The following TFCP2 variants were observed in gnomAD, a reference collection of about 807,000 sequenced individuals.
TFCP2 encodes transcription factor CP2.
A neutral mutation model predicts 73.4 loss-of-function variants in TFCP2; 33 were observed. The ratio of observed to expected loss-of-function variants is 0.45; its 90% CI spans 0.34 to 0.60. The LOEUF (loss-of-function observed/expected upper bound fraction) is 0.60. Among genes scored for constraint, TFCP2 ranks in the 20% least tolerant of loss-of-function variants. The pLI, the probability that TFCP2 is intolerant of heterozygous loss-of-function variation, is 0.01. For missense variants in TFCP2, 352 were observed against 604.0 expected, an observed-to-expected ratio of 0.58 and a Z score of 4.37; for synonymous variants, 193 against 211.6, an observed-to-expected ratio of 0.91 and a Z score of 0.76.
At chr12:51,161,500 GAAACCCCATGTCTACTAAAAATACAA>G (rs1412026896) in intron 1 of TFCP2, among the ~76,000 whole-genome samples, 1 of 151,840 alleles carries the variant, frequency 6.6e-6, no homozygotes, top group Non-Finnish European at 1.5e-5. Flanking sequence ...CTAACACGGT[GAAACCCCATGTCTACTAAAAATACAA>G]AAAATTAGCC....
At chr12:51,161,690 ATAAT>A (rs1565579966) in intron 1 of TFCP2, among the ~76,000 whole-genome samples, 2 of 146,468 alleles carry the variant, frequency 1.4e-5, no homozygotes, top group African/African-American at 5.1e-5. Context: ...AAAAAAAATA[ATAAT>A]AATAATAATA....
chr12:51,097,032 C>T (rs575399873), intron 13 of TFCP2, among the ~76,000 whole-genome samples: 24 of 151,448 alleles, frequency 1.6e-4, no homozygotes, highest in African/African-American at 4.6e-4. Context: ...GCCCCCATCT[C>T]GGCTCACGCA....
At chr12:51,151,513 T>TAGTG (rs1166284263) in intron 1 of TFCP2, among the ~76,000 whole-genome samples, 1 of 152,168 alleles carries the variant, frequency 6.6e-6, no homozygotes, top group African/African-American at 2.4e-5. Context: ...CTCGGCTCAC[T>TAGTG]GCAAGCTCTG....
chr12:51,141,853 C>T (rs566662264), intron 1 of TFCP2, among the ~76,000 whole-genome samples: 46 of 150,342 alleles, frequency 3.1e-4, no homozygotes, highest in African/African-American at 1.1e-3. Flanking sequence ...TTGCAGTGAG[C>T]CGAGATGGCG....
At chr12:51,122,508 C>T (rs1940709482) in intron 1 of TFCP2, among the ~76,000 whole-genome samples, 1 of 152,126 alleles carries the variant, frequency 6.6e-6, no homozygotes, top group South Asian at 2.1e-4. Context: ...ATCTGCCCAT[C>T]TCGGCCTCCC....
At position 51,118,617 on chromosome 12, in the gene TFCP2, T is replaced by C; in HGVS notation, c.274+4A>G. ...TAGTACTAATGAATGAGGAAGCATC[T>C]AACCTTGATTGAGATACGTTAGGGT... On this transcript the variant is annotated splice_donor_region_variant and intron_variant, in intron 2 of 14. Coordinates refer to ENST00000257915, the MANE Select transcript of TFCP2 (RefSeq NM_005653.5). 1 of 1,613,724 alleles carries C rather than the reference T, an allele frequency of 6.2e-7. No individual in the cohort carries two copies. Among genetic ancestry groups the C allele is most frequent in the Non-Finnish European group, 8.5e-7 (1 of 1,179,848 alleles).
At chr12:51,148,799 C>A (rs1373970167) in intron 1 of TFCP2, among the ~76,000 whole-genome samples, 1 of 150,818 alleles carries the variant, frequency 6.6e-6, no homozygotes, top group Non-Finnish European at 1.5e-5. Flanking sequence ...CCGAGGTGGG[C>A]GGATCACCTG....
chr12:51,124,648 C>T (rs753778382), intron 1 of TFCP2: 2 of 573,420 alleles, frequency 3.5e-6, no homozygotes, highest in Non-Finnish European at 3.3e-6. Context: ...AGAGCCTCCG[C>T]GGCTTCCAAC....
chr12:51,106,530 C>T lies in TFCP2; in HGVS notation c.912G>A (p.Gly304=). 1 of 1,611,544 alleles carries T rather than the reference C, an allele frequency of 6.2e-7. No individual in the cohort carries two copies. The highest frequency in any genetic ancestry group is 8.5e-7 in the Non-Finnish European group (1 of 1,178,962). Residue 304 remains glycine (G), a synonymous_variant, in exon 8 of 15, where the codon GGG becomes GGA. Coordinates refer to ENST00000257915, the MANE Select transcript of TFCP2 (RefSeq NM_005653.5). The stretch of plus-strand genomic sequence containing the variant: ...ATTTTATTTCCCAGACTTACCCTTC[C>T]CCAAGAGAAAAACTGCTATGGGAAC... ...FNSSHSSFSL[G]EGNGSPNHQP... is the part of the protein sequence containing the mutation.
Position 51,101,016 on chromosome 12 carries a change from C to T in TFCP2, c.1151+919G>A, listed in dbSNP as rs540994030. Reference sequence around the variant, plus strand: ...CAATTGCAGGCAGACACTTCCTACCCACATTTGCCGGGTGCGGTGGCTCAC... The same window carrying T: ...CAATTGCAGGCAGACACTTCCTACCTACATTTGCCGGGTGCGGTGGCTCAC... On this transcript the variant is annotated intron_variant, in intron 11 of 14. Coordinates refer to ENST00000257915, the MANE Select transcript of TFCP2 (RefSeq NM_005653.5). 2.0e-5 allele frequency among the ~76,000 whole-genome samples: 3 copies of T among 152,236 alleles called. No individual in the cohort carries two copies. In the East Asian group the frequency reaches 5.8e-4, roughly 29 times the overall value.
chr12:51,123,857 T>C (rs1022151483), intron 1 of TFCP2, among the ~76,000 whole-genome samples: 3 of 152,220 alleles, frequency 2.0e-5, no homozygotes, highest in East Asian at 1.9e-4. Flanking sequence ...TAAACTCCTA[T>C]ACTAGGCCCC....
rs552172368 is a variant in TFCP2, at chr12:51,163,339, C to T, written c.122+8962G>A. On this transcript the variant is annotated intron_variant, in intron 1 of 14. Coordinates refer to ENST00000257915, the MANE Select transcript of TFCP2 (RefSeq NM_005653.5). ...GCGCGGTGGCTCACGCCTATAATCC[C>T]AGCACTTTGGGAGGCCAAGGCGGAC... Among the ~76,000 whole-genome samples, 4 of 152,244 alleles carry T rather than the reference C, an allele frequency of 2.6e-5. No individual in the cohort carries two copies. The East Asian group carries it at 7.7e-4, about 29-fold the overall frequency.
At chr12:51,103,621 C>T in intron 10 of TFCP2, 49 bp downstream of exon 10, 1 of 1,516,952 alleles carries the variant, frequency 6.6e-7, no homozygotes. Flanking sequence ...CCCTAGAATG[C>T]AAAGGAAAAT....
intron 1 of TFCP2, among the ~76,000 whole-genome samples, chr12:51,131,536 A>G (rs1940945355): frequency 6.6e-6 from 1 of 152,184 alleles, no homozygotes; most frequent in Admixed American, 6.6e-5. Context: ...GAATGTCTAC[A>G]TCTTATGAAC....
chr12:51,129,514 CAAAAA>C (rs5798159), intron 1 of TFCP2, among the ~76,000 whole-genome samples: 396 of 126,122 alleles, frequency 3.1e-3, no homozygotes, highest in South Asian at 0.02. Flanking sequence ...GACCCCGTCT[CAAAAA>C]AAAAAAAAAA....
At position 51,103,752 on chromosome 12, in the gene TFCP2, T is replaced by C. The variant is rs1940164719; in HGVS notation, c.978A>G (p.Pro326=). 2 of 1,613,324 alleles carry C rather than the reference T, an allele frequency of 1.2e-6. No individual in the cohort carries two copies. The highest frequency in any genetic ancestry group is 1.7e-5 in the Admixed American group (1 of 59,746). ...PPPPVTDNLL[P]TTTPQEAQQW... ...GCTGAGCTTCCTGAGGTGTGGTTGT[T>C]GGTAAGAGGTTCTGAAAGGGAGAGC... The change falls in exon 10 of 15, where the codon CCA becomes CCG. Residue 326 remains proline (P), a synonymous_variant. Coordinates refer to ENST00000257915, the MANE Select transcript of TFCP2 (RefSeq NM_005653.5).
intron 1 of TFCP2, among the ~76,000 whole-genome samples, chr12:51,132,355 G>GTGTTTTTT (rs1276335598): frequency 4.7e-5 from 1 of 21,466 alleles, no homozygotes; most frequent in Non-Finnish European, 1.2e-4. Flanking sequence ...TTAGGGATTA[G>GTGTTTTTT]TCTTTTTTTT....
chr12:51,128,478 T>TAAAAAAAAAAAAAAAAAAAAAAAAAA (rs11324129), intron 1 of TFCP2, among the ~76,000 whole-genome samples: 1 of 137,306 alleles, frequency 7.3e-6, no homozygotes, highest in Non-Finnish European at 1.6e-5. Context: ...AGTATAATAA[T>TAAAAAAAAAAAAAAAAAAAAAAAAAA]AAAAAAAAAA....
chr12:51,108,236 G>T (rs572022737), intron 6 of TFCP2, among the ~76,000 whole-genome samples: 1 of 151,586 alleles, frequency 6.6e-6, no homozygotes, highest in African/African-American at 2.4e-5. Context: ...CAGTGAGCTG[G>T]CACTGCACCA....
Sources: gnomAD v4.1 joint callset for allele counts (sites outside exome capture counted in the v4.1 genomes callset) on GRCh38, gnomAD v4.1.1 for gene constraint, MANE v1.5 for transcripts, NCBI Gene and HGNC (gene_info 2026-07-23, HGNC 2026-07-21) for gene names.